The following TRAK1 variants were observed in gnomAD, a reference collection of about 807,000 sequenced individuals.
TRAK1 encodes the protein trafficking kinesin-binding protein 1.
TRAK1 carries 33 observed loss-of-function variants against 92.1 expected under a neutral mutation model. That is an observed-to-expected ratio of 0.36 (90% CI 0.27 to 0.48). The LOEUF (loss-of-function observed/expected upper bound fraction) is 0.48. Among genes scored for constraint, TRAK1 ranks in the 20% least tolerant of loss-of-function variants. The pLI, the probability that TRAK1 is intolerant of heterozygous loss-of-function variation, is 0.99. For synonymous variants in TRAK1, 521 were observed against 517.3 expected, an observed-to-expected ratio of 1.01 and a Z score of -0.10; for missense variants, 1,123 against 1,257.9, an observed-to-expected ratio of 0.89 and a Z score of 1.62.
rs59688326 is a variant in TRAK1 at position 42,170,487 on chromosome 3, G to A, written c.287-6327G>A. Among the ~76,000 whole-genome samples the A allele has an allele frequency of 3.3e-3, 497 of 152,296 alleles. 4 individuals carry two copies. Among genetic ancestry groups the A allele is most frequent in the African/African-American group, 0.011 (474 of 41,564 alleles). On this transcript the variant is annotated intron_variant, in intron 2 of 15. Coordinates refer to ENST00000327628, the MANE Select transcript of TRAK1 (RefSeq NM_001042646.3). ...GACAGCTGCTGCTGCTATCAAAAGC[G>A]AGAGGTAATCAACTGGTTTGTGGAC...
At chr3:42,092,729 T>A (rs138785532) in intron 1 of TRAK1, among the ~76,000 whole-genome samples, 4 of 138,950 alleles carry the variant, frequency 2.9e-5, no homozygotes, top group African/African-American at 8.2e-5. Flanking sequence ...TTATGTTATG[T>A]TATGTTATGT....
At chr3:42,203,765 AC>A (rs59419342) in intron 13 of TRAK1, 651,298 of 965,458 alleles carry the variant, frequency 0.67, 221,075 homozygotes, top group East Asian at 0.98. Flanking sequence ...TTTCCTAATC[AC>A]CCCCCAAAGA....
intron 1 of TRAK1, among the ~76,000 whole-genome samples, chr3:42,054,070 A>AG (rs1703094944): frequency 6.6e-6 from 1 of 152,190 alleles, no homozygotes; most frequent in African/African-American, 2.4e-5. Flanking sequence ...TGGGGTGTTG[A>AG]GGATTCAGGG....
chr3:42,044,263 C>T (rs1187496286), intron 1 of TRAK1, among the ~76,000 whole-genome samples: 1 of 152,194 alleles, frequency 6.6e-6, no homozygotes, highest in African/African-American at 2.4e-5. Flanking sequence ...CAGGCTCAGG[C>T]AATCCTCCCA....
chr3:42,114,976 G>T (rs1351104716), intron 1 of TRAK1, among the ~76,000 whole-genome samples: 1 of 152,294 alleles, frequency 6.6e-6, no homozygotes, highest in Non-Finnish European at 1.5e-5. Context: ...GCTTACCAAA[G>T]TGCTAGGATT....
chr3:42,166,573 G>C (rs1307892692), intron 2 of TRAK1, among the ~76,000 whole-genome samples: 1 of 152,184 alleles, frequency 6.6e-6, no homozygotes, highest in Non-Finnish European at 1.5e-5. Context: ...CTTCTTCTGA[G>C]TTTTAAGTGA....
In TRAK1 at chr3:42,222,981, C is replaced by G. The variant is rs750989953; in HGVS notation, c.2106C>G (p.Ser702Arg). ...CAACTCCAGCTTGTGGCAGCACCAG[C>G]CACTTGAAATCCACGCCGGTGGCCA... is the stretch of plus-strand genomic sequence containing the variant. The part of the protein sequence containing the change: ...SAPTPACGST[S>R]HLKSTPVATP... Residue 702 changes from serine (S) to arginine (R), a missense_variant, in exon 16 of 16, where the codon AGC (serine) becomes AGG (arginine). By Grantham distance (110) the Ser-to-Arg change is moderately radical (BLOSUM62 -1). Around this residue, in one of 3 missense-constraint regions of TRAK1, gnomAD observed 401 missense variants for 438.9 expected, o/e 0.91. Coordinates refer to ENST00000327628, the MANE Select transcript of TRAK1 (RefSeq NM_001042646.3). 9.6e-5 allele frequency: 155 copies of G among 1,613,944 alleles called. No individual in the cohort carries two copies. Among genetic ancestry groups the G allele is most frequent in the Non-Finnish European group, 1.2e-4 (145 of 1,179,982 alleles).
At chr3:42,032,405 T>A (rs1702178068) in intron 1 of TRAK1, among the ~76,000 whole-genome samples, 1 of 151,280 alleles carries the variant, frequency 6.6e-6, no homozygotes. Context: ...ATGTTGTTCG[T>A]AGCCAGGCGT....
chr3:42,209,739 C>T (rs1224339108), intron 13 of TRAK1, 28 bp from the exon 14 acceptor site: 2 of 1,602,768 alleles, frequency 1.2e-6, no homozygotes, highest in Non-Finnish European at 1.7e-6. Context: ...TCCTTGTCCC[C>T]CTTCTTCCCT....
chr3:42,128,367 T>G (rs1032639471), intron 2 of TRAK1, among the ~76,000 whole-genome samples: 1 of 152,202 alleles, frequency 6.6e-6, no homozygotes, highest in African/African-American at 2.4e-5. Flanking sequence ...ATTCTGAAAG[T>G]TCTTAGAGCC....
At chr3:42,028,439 A>G (rs2148888710) in intron 1 of TRAK1, among the ~76,000 whole-genome samples, 1 of 152,324 alleles carries the variant, frequency 6.6e-6, no homozygotes, top group Middle Eastern at 3.4e-3. Context: ...AGTAAATGAG[A>G]CAGTCCAGGT....
chr3:42,048,900 G>A (rs546311615), intron 1 of TRAK1, among the ~76,000 whole-genome samples: 118 of 152,006 alleles, frequency 7.8e-4, no homozygotes, highest in African/African-American at 2.4e-3. Context: ...CTTGTACATG[G>A]GACATTATTA....
At chr3:42,199,501 G>A (rs893653352) in intron 11 of TRAK1, among the ~76,000 whole-genome samples, 15 of 152,012 alleles carry the variant, frequency 9.9e-5, no homozygotes, top group Non-Finnish European at 1.9e-4. Flanking sequence ...TATTGGGCAC[G>A]CCAGAGTGCA....
chr3:42,189,664 G>A (rs1358212764), intron 6 of TRAK1, among the ~76,000 whole-genome samples: 1 of 152,072 alleles, frequency 6.6e-6, no homozygotes, highest in African/African-American at 2.4e-5. Flanking sequence ...CTGAGTAGCT[G>A]GGACTACAGA....
At chr3:42,170,523 T>C (rs770769583) in intron 2 of TRAK1, among the ~76,000 whole-genome samples, 1 of 152,194 alleles carries the variant, frequency 6.6e-6, no homozygotes, top group East Asian at 1.9e-4. Flanking sequence ...CATTCTTTTC[T>C]TTGGCACCTA....
At position 42,201,051 on chromosome 3, in the gene TRAK1, T is replaced by C. The variant is rs1225720344; in HGVS notation, c.1424T>C (p.Leu475Pro). ...ATTCTGGAAACAGAGGCAGCCGACC[T>C]GGGGTGAGCAAGCTGGGAGTTTTCA... ...SIILETEAAD[L>P]GNDERSKKPG... Residue 475 changes from leucine to proline, a missense_variant, in exon 12 of 16, where the codon CTG becomes CCG. Physicochemically the swap from Leu to Pro is moderately conservative, Grantham distance 98 (BLOSUM62 -3). Around this residue, in one of 3 missense-constraint regions of TRAK1, gnomAD observed 686 missense variants for 747.6 expected, o/e 0.92. Transcript: ENST00000327628. 1.2e-6 allele frequency: 2 copies of C among 1,614,062 alleles called. No individual in the cohort carries two copies. The highest frequency in any genetic ancestry group is 3.3e-5 in the Admixed American group (2 of 60,008).
At chr3:42,025,935 G>A (rs1249657627) in intron 1 of TRAK1, among the ~76,000 whole-genome samples, 1 of 152,202 alleles carries the variant, frequency 6.6e-6, no homozygotes, top group African/African-American at 2.4e-5. Flanking sequence ...TCCATGAAAT[G>A]CATCACTATT....
At chr3:42,024,289 A>G (rs866383717) in intron 1 of TRAK1, among the ~76,000 whole-genome samples, 7 of 152,324 alleles carry the variant, frequency 4.6e-5, no homozygotes, top group Non-Finnish European at 1.0e-4. Flanking sequence ...CTCTGCTGTG[A>G]GAGGCCAAGT....
chr3:42,147,068 T>A, intron 2 of TRAK1, among the ~76,000 whole-genome samples: 1 of 152,108 alleles, frequency 6.6e-6, no homozygotes, highest in East Asian at 1.9e-4. Flanking sequence ...GAGGTGAACA[T>A]CTGAGGGGCT....
Sources: allele counts gnomAD v4.1 joint callset (sites outside exome capture counted in the v4.1 genomes callset), GRCh38; gene constraint gnomAD v4.1.1; regional missense constraint gnomAD v4.1.1; transcripts MANE v1.5; gene names NCBI Gene and HGNC (gene_info 2026-07-23, HGNC 2026-07-21).